GRIK4: variants seen among roughly 807,000 people sequenced by gnomAD.
GRIK4 encodes the protein glutamate ionotropic receptor kainate type subunit 4.
GRIK4 carries 40 observed loss-of-function variants against 104.9 expected under a neutral mutation model. The ratio of observed to expected loss-of-function variants is 0.38; its 90% confidence interval spans 0.30 to 0.50. The LOEUF is 0.50. Among genes scored for constraint, GRIK4 ranks in the 20% least tolerant of loss-of-function variants. The pLI, the probability that GRIK4 is intolerant of heterozygous loss-of-function variation, is 0.93. For missense variants in GRIK4, 1,047 were observed against 1,308.1 expected (o/e 0.80, Z 3.08); for synonymous variants, 485 against 524.9 (o/e 0.92, Z 1.04).
chr11:120,923,620 A>G (rs946219854), intron 13 of GRIK4, among the ~76,000 whole-genome samples: 4 of 152,076 alleles, frequency 2.6e-5, no homozygotes, highest in South Asian at 2.1e-4. Context: ...TCACCCTGTT[A>G]GCCAGGATGG....
intron 3 of GRIK4, among the ~76,000 whole-genome samples, chr11:120,706,831 G>C (rs758477775): frequency 6.6e-6 from 1 of 152,160 alleles, no homozygotes; most frequent in Non-Finnish European, 1.5e-5. Context: ...CAGGTCCCTA[G>C]TCTGCAGATG....
rs147177392 is a variant in GRIK4, at chr11:120,695,451, A to G, written c.82+35051A>G. On this transcript the variant is annotated intron_variant, in intron 3 of 20. Transcript: ENST00000527524. ...ATGCAGGCCCCTGTGAGAAAGACAA[A>G]CTCTGTTTCCATAGAGGAGTGCCAG... Among the ~76,000 whole-genome samples the G allele has an allele frequency of 2.4e-4, 36 of 152,248 alleles. 1 individual carries two copies. In the East Asian group the frequency reaches 6.6e-3, roughly 28 times the overall value.
At position 120,977,458 on chromosome 11, in the gene GRIK4, A is replaced by G. The variant is rs546567427; in HGVS notation, c.2396-4648A>G. On this transcript the variant is annotated intron_variant, in intron 19 of 20. Transcript: ENST00000527524. ...TGTGGAAGGCATTTGACTTCTAGAGAATGACTGATGACAGTGTTAAATGGA... is the reference window on the plus strand; with the variant it reads ...TGTGGAAGGCATTTGACTTCTAGAGGATGACTGATGACAGTGTTAAATGGA... 3.0e-4 allele frequency among the ~76,000 whole-genome samples: 45 copies of G among 152,264 alleles called. 1 individual carries two copies. Among genetic ancestry groups the G allele is most frequent in the African/African-American group, 1.1e-3 (44 of 41,556 alleles).
chr11:120,753,075 C>T (rs953715067), intron 3 of GRIK4, among the ~76,000 whole-genome samples: 4 of 152,230 alleles, frequency 2.6e-5, no homozygotes, highest in Non-Finnish European at 5.9e-5. Flanking sequence ...CATCACTGCT[C>T]ACCTCATCGT....
At chr11:120,797,412 G>A (rs2135503573) in intron 3 of GRIK4, among the ~76,000 whole-genome samples, 1 of 152,324 alleles carries the variant, frequency 6.6e-6, no homozygotes. Flanking sequence ...ATTAAGTCTT[G>A]AGCAAGCTGC....
chr11:120,615,571 G>A (rs1949101028), intron 1 of GRIK4, among the ~76,000 whole-genome samples: 7 of 152,158 alleles, frequency 4.6e-5, no homozygotes, highest in Admixed American at 4.6e-4. Context: ...TCTATTCCAG[G>A]AAGCCCAGCC....
intron 3 of GRIK4, among the ~76,000 whole-genome samples, chr11:120,795,824 G>A (rs1415903939): frequency 1.2e-4 from 18 of 151,994 alleles, no homozygotes; most frequent in African/African-American, 1.9e-4. Flanking sequence ...GACCTCCCTC[G>A]GATACTAAAA....
intron 18 of GRIK4, among the ~76,000 whole-genome samples, chr11:120,964,961 A>G (rs1407446598): frequency 6.6e-6 from 1 of 152,188 alleles, no homozygotes; most frequent in Non-Finnish European, 1.5e-5. Flanking sequence ...AAAGGACAGG[A>G]TAGGTGGGAA....
chr11:120,591,876 A>G (rs1310185096), intron 1 of GRIK4, among the ~76,000 whole-genome samples: 2 of 152,114 alleles, frequency 1.3e-5, no homozygotes, highest in Non-Finnish European at 2.9e-5. Flanking sequence ...CTGTATTTGC[A>G]TCGGCACAGG....
In GRIK4 at chr11:120,819,940, C is replaced by G. The variant is rs1425537073; in HGVS notation, c.511+20C>G. 3 of 1,611,986 alleles carry G rather than the reference C, an allele frequency of 1.9e-6. No individual in the cohort carries two copies. Among genetic ancestry groups the G allele is most frequent in the East Asian group, 2.2e-5 (1 of 44,874 alleles). ...CAGAATGTAAGTTTCCCCAGGCTGG[C>G]TCTGCCCCAGACAGTCCAGTCTTGT... On this transcript the variant is annotated intron_variant, in intron 6 of 20. Transcript: ENST00000527524. The surrounding 1 kb of genome is among the most constrained non-coding windows in gnomAD (Gnocchi z 4.3).
chr11:120,954,765 C>T (rs1026656727), intron 15 of GRIK4, among the ~76,000 whole-genome samples: 9 of 148,050 alleles, frequency 6.1e-5, no homozygotes, highest in African/African-American at 1.7e-4. Context: ...GCTAACCATA[C>T]GGCCTCTCTC....
intron 3 of GRIK4, among the ~76,000 whole-genome samples, chr11:120,738,606 C>T (rs552875192): frequency 2.0e-5 from 3 of 152,190 alleles, no homozygotes; most frequent in Non-Finnish European, 4.4e-5. Context: ...GATAGACCTG[C>T]AGCAGGGCAG....
rs1385280125 is a variant in GRIK4 at position 120,832,398 on chromosome 11, G to A, written c.690+368G>A. 4.6e-5 allele frequency among the ~76,000 whole-genome samples: 7 copies of A among 152,170 alleles called. No individual in the cohort carries two copies. The South Asian group carries it at 6.2e-4, about 14-fold the overall frequency. On this transcript the variant is annotated intron_variant, in intron 7 of 20. Transcript: ENST00000527524. ...TGCCAAATGGTATAGAAATGGTTCC[G>A]TAGTTTAACAACAGGACCATCACAC...
intron 3 of GRIK4, among the ~76,000 whole-genome samples, chr11:120,800,900 C>A (rs1391831395): frequency 6.6e-6 from 1 of 152,166 alleles, no homozygotes; most frequent in East Asian, 1.9e-4. Flanking sequence ...GAATTCTCAA[C>A]CTCTGAAAGA....
intron 1 of GRIK4, among the ~76,000 whole-genome samples, chr11:120,637,925 G>T (rs920421229): frequency 6.6e-6 from 1 of 152,010 alleles, no homozygotes; most frequent in Non-Finnish European, 1.5e-5. Flanking sequence ...TGTCATCCAG[G>T]CTGGAGTGCA....
intron 3 of GRIK4, among the ~76,000 whole-genome samples, chr11:120,792,306 G>C (rs1383314043): frequency 1.3e-5 from 2 of 151,768 alleles, no homozygotes; most frequent in Admixed American, 1.3e-4. Flanking sequence ...CTAGAAGGTA[G>C]AGAGGGATGA....
intron 4 of GRIK4, among the ~76,000 whole-genome samples, chr11:120,814,046 C>G (rs1952882369): frequency 2.0e-5 from 3 of 152,240 alleles, no homozygotes; most frequent in African/African-American, 7.2e-5. Context: ...TCCCCCTCCT[C>G]TGATTACACA....
chr11:120,560,143 G>A (rs1449345149), intron 1 of GRIK4, among the ~76,000 whole-genome samples: 1 of 151,996 alleles, frequency 6.6e-6, no homozygotes, highest in African/African-American at 2.4e-5. Context: ...TCCACCTCCG[G>A]GTTCAAGGGA....
chr11:120,764,597 G>GT (rs554300146), intron 3 of GRIK4, among the ~76,000 whole-genome samples: 4,393 of 104,872 alleles, frequency 0.042, 143 homozygotes, highest in African/African-American at 0.14. Context: ...TTTTGTTTTT[G>GT]TTTTTTTTTT....
Sources: gnomAD v4.1 joint callset for allele counts (sites outside exome capture counted in the v4.1 genomes callset) on GRCh38, gnomAD v4.1.1 for gene constraint, Gnocchi (gnomAD v3.1) non-coding constraint, MANE v1.5 for transcripts, NCBI Gene and HGNC (gene_info 2026-07-23, HGNC 2026-07-21) for gene names.